RBFOX1: variants seen among roughly 807,000 people sequenced by gnomAD.
The protein encoded by RBFOX1 is RNA binding protein fox-1 homolog 1.
A neutral mutation model predicts 57.7 loss-of-function variants in RBFOX1; 8 were observed. The observed-to-expected ratio is 0.14, with a 90% confidence interval of 0.08 to 0.25. The LOEUF (loss-of-function observed/expected upper bound fraction) is 0.25, where lower values mean the gene tolerates loss of function less well. Among genes scored for constraint, RBFOX1 ranks in the 10% least tolerant of loss-of-function variants. The pLI is 1.00. For synonymous variants in RBFOX1, 326 were observed against 222.4 expected (o/e 1.47, Z -4.15); for missense variants, 611 against 548.5 (o/e 1.11, Z -1.14).
intron 3 of RBFOX1, among the ~76,000 whole-genome samples, chr16:5,776,115 TTAAG>T (rs1298660547): frequency 6.6e-6 from 1 of 152,244 alleles, no homozygotes; most frequent in Non-Finnish European, 1.5e-5. Context: ...TAATGGATAA[TTAAG>T]TGAGTTCCCT....
chr16:6,636,374 G>A (rs912345728), intron 2 of RBFOX1, among the ~76,000 whole-genome samples: 2 of 152,074 alleles, frequency 1.3e-5, no homozygotes, highest in Admixed American at 1.3e-4. Context: ...GTTTCATGGT[G>A]TTAGCCAGGA....
At chr16:5,516,184 T>A (rs1002010099) in intron 2 of RBFOX1, among the ~76,000 whole-genome samples, 2 of 152,248 alleles carry the variant, frequency 1.3e-5, no homozygotes, top group African/African-American at 2.4e-5. Flanking sequence ...GAGTCAAGCT[T>A]GATGGAAAAT....
At chr16:6,854,563 C>T (rs906809870) in intron 3 of RBFOX1, among the ~76,000 whole-genome samples, 1 of 149,318 alleles carries the variant, frequency 6.7e-6, no homozygotes, top group Non-Finnish European at 1.5e-5. Context: ...CACGCATTAC[C>T]TCCCTGCCAA....
chr16:7,404,006 G>A (rs2098290011), intron 4 of RBFOX1, among the ~76,000 whole-genome samples: 3 of 122,262 alleles, frequency 2.5e-5, no homozygotes, highest in Non-Finnish European at 3.8e-5. Flanking sequence ...GAACATGGGA[G>A]TGCATATCCT....
chr16:5,820,639 C>G (rs904000554), intron 3 of RBFOX1, among the ~76,000 whole-genome samples: 1 of 152,160 alleles, frequency 6.6e-6, no homozygotes, highest in Non-Finnish European at 1.5e-5. Flanking sequence ...AACGTTTTCC[C>G]CATGAATCAG....
At chr16:5,752,298 G>A (rs7193796) in intron 3 of RBFOX1, among the ~76,000 whole-genome samples, 5,284 of 152,262 alleles carry the variant, frequency 0.035, 145 homozygotes, top group East Asian at 0.13. Flanking sequence ...GGTGGGAGGA[G>A]AGAGAGGATC....
At chr16:6,117,599 G>A (rs1228507619) in intron 1 of RBFOX1, among the ~76,000 whole-genome samples, 1 of 152,228 alleles carries the variant, frequency 6.6e-6, no homozygotes, top group African/African-American at 2.4e-5. Flanking sequence ...TTTGCCGTGT[G>A]AAGACACAGC....
chr16:7,699,638 TAGTACAAAAA>T (rs1157391521), intron 14 of RBFOX1, among the ~76,000 whole-genome samples: 1 of 152,146 alleles, frequency 6.6e-6, no homozygotes, highest in Non-Finnish European at 1.5e-5. Flanking sequence ...TTCCAAAACT[TAGTACAAAAA>T]TGATGTAAAA....
At chr16:5,526,423 G>A (rs1391444395) in intron 2 of RBFOX1, among the ~76,000 whole-genome samples, 2 of 152,094 alleles carry the variant, frequency 1.3e-5, no homozygotes, top group East Asian at 3.9e-4. Context: ...CAAGTAGCTG[G>A]GATTACAGCT....
At chr16:6,202,389 A>C (rs534132301) in intron 1 of RBFOX1, among the ~76,000 whole-genome samples, 6 of 152,280 alleles carry the variant, frequency 3.9e-5, no homozygotes, top group Admixed American at 2.6e-4. Context: ...TCTTCATGGC[A>C]GCTTTAAAGG....
chr16:6,856,763 C>G (rs1376073015), intron 3 of RBFOX1, among the ~76,000 whole-genome samples: 1 of 152,118 alleles, frequency 6.6e-6, no homozygotes, highest in African/African-American at 2.4e-5. Flanking sequence ...TTGTCAAAAA[C>G]CGCCACTCAA....
At position 5,946,415 on chromosome 16, in the gene RBFOX1, G is replaced by A. The variant is rs1252246166; in HGVS notation, c.351+79080G>A. Among the ~76,000 whole-genome samples the A allele has an allele frequency of 2.6e-5, 4 of 152,162 alleles. No individual in the cohort carries two copies. The highest frequency in any genetic ancestry group is 4.8e-5 in the African/African-American group (2 of 41,440). On this transcript the variant is annotated intron_variant, in intron 4 of 19. Coordinates refer to the RBFOX1 transcript ENST00000641259. This position sits in a 1 kb window ranked among gnomAD's most constrained non-coding sequence, Gnocchi z 4.6. ...ATCAAACACCAACCAAGTGCCGGATGCACTACTCTATCTTGCGACAGAGCC... is the reference window on the plus strand; with the variant it reads ...ATCAAACACCAACCAAGTGCCGGATACACTACTCTATCTTGCGACAGAGCC...
At chr16:5,479,185 G>A (rs1417565279) in intron 2 of RBFOX1, among the ~76,000 whole-genome samples, 10 of 152,046 alleles carry the variant, frequency 6.6e-5, no homozygotes, top group Admixed American at 6.6e-4. Context: ...CTTCTGTCAT[G>A]GCCTCTGTTT....
chr16:5,905,640 C>T (rs879501475), intron 4 of RBFOX1, among the ~76,000 whole-genome samples: 2 of 152,084 alleles, frequency 1.3e-5, no homozygotes, highest in South Asian at 4.1e-4. Context: ...GGCTGCAGTA[C>T]GCTGTGAACA....
intron 4 of RBFOX1, among the ~76,000 whole-genome samples, chr16:7,283,299 G>C (rs11859923): frequency 0.13 from 19,458 of 151,440 alleles, 1,735 homozygotes; most frequent in South Asian, 0.24. Context: ...CTTCCTCCCT[G>C]GTCCCCCAAT....
intron 1 of RBFOX1, among the ~76,000 whole-genome samples, chr16:6,164,122 A>G (rs1006183907): frequency 6.6e-6 from 1 of 152,164 alleles, no homozygotes; most frequent in Non-Finnish European, 1.5e-5. Context: ...TGTGTTTTAT[A>G]TTCTGTGACC....
intron 3 of RBFOX1, among the ~76,000 whole-genome samples, chr16:6,970,936 G>A (rs1022074328): frequency 7.9e-5 from 12 of 152,148 alleles, no homozygotes; most frequent in African/African-American, 2.9e-4. Context: ...TGAAACACAT[G>A]CACACAGGTG....
intron 3 of RBFOX1, among the ~76,000 whole-genome samples, chr16:5,753,693 A>C (rs2053295081): frequency 6.6e-6 from 1 of 152,130 alleles, no homozygotes; most frequent in Non-Finnish European, 1.5e-5. Context: ...AAAACCCTAT[A>C]AACCAGTGTT....
intron 2 of RBFOX1, among the ~76,000 whole-genome samples, chr16:6,327,295 T>A (rs2082486321): frequency 6.6e-6 from 1 of 152,154 alleles, no homozygotes; most frequent in Non-Finnish European, 1.5e-5. Context: ...ATCAGGATGA[T>A]GTTTTTCCGC....
Sources: gnomAD v4.1 joint callset for allele counts (sites outside exome capture counted in the v4.1 genomes callset) on GRCh38, gnomAD v4.1.1 for gene constraint, Gnocchi (gnomAD v3.1) non-coding constraint, MANE v1.5 for transcripts, NCBI Gene and HGNC (gene_info 2026-07-23, HGNC 2026-07-21) for gene names.